PILRA: variants seen among roughly 807,000 people sequenced by gnomAD.
PILRA encodes the protein paired immunoglobin like type 2 receptor alpha, also known as paired immunoglobulin-like type 2 receptor alpha.
A neutral mutation model predicts 33.1 loss-of-function variants in PILRA; 37 were observed. The observed-to-expected ratio is 1.12, with a 90% CI of 0.86 to 1.47. The LOEUF (loss-of-function observed/expected upper bound fraction) is 1.47. Among genes scored for constraint, PILRA ranks in the 40% most tolerant of loss-of-function variants. PILRA has a pLI of 0.00. For missense variants in PILRA, 312 were observed against 376.2 expected (o/e 0.83, Z 1.41); for synonymous variants, 146 against 149.9 (o/e 0.97, Z 0.19).
chr7:100,386,915 C>T (rs180784676), intron 2 of PILRA, among the ~76,000 whole-genome samples: 47 of 151,844 alleles, frequency 3.1e-4, no homozygotes, highest in Admixed American at 1.2e-3. Context: ...ATTCAAATTG[C>T]ATAGTTTTCC....
intron 2 of PILRA, among the ~76,000 whole-genome samples, chr7:100,382,079 C>T (rs1394680572): frequency 5.3e-5 from 8 of 151,382 alleles, no homozygotes; most frequent in Non-Finnish European, 2.9e-5. Flanking sequence ...TGCTCCACGG[C>T]GCCCGGTCCC....
At chr7:100,388,938 A>G (rs972016067) in intron 2 of PILRA, among the ~76,000 whole-genome samples, 2 of 152,096 alleles carry the variant, frequency 1.3e-5, no homozygotes, top group Non-Finnish European at 2.9e-5. Flanking sequence ...TAAGCCAATG[A>G]CAGAATTTAA....
At chr7:100,373,838 C>T (rs1174600786) in intron 1 of PILRA, 118 bp downstream of exon 1, 25 of 1,412,500 alleles carry the variant, frequency 1.8e-5, no homozygotes, top group African/African-American at 8.5e-5. Context: ...GAAACAAGGG[C>T]GGGTCCCACA....
In PILRA at chr7:100,397,926, C is replaced by T. The variant is rs180768093; in HGVS notation, c.707+14C>T. The T allele has an allele frequency of 1.4e-5, 22 of 1,613,418 alleles. No homozygotes were observed. The highest frequency in any genetic ancestry group is 1.7e-5 in the Non-Finnish European group (20 of 1,179,424). On this transcript the variant is annotated intron_variant, in intron 4 of 6. Coordinates refer to ENST00000198536, the MANE Select transcript of PILRA (RefSeq NM_013439.3). ...AACCCCAGCCAGGTGAGTGCTGGGCCTCCCCAGGGTGGGTTGGGGGGTGCA... is the reference window on the plus strand; with the variant it reads ...AACCCCAGCCAGGTGAGTGCTGGGCTTCCCCAGGGTGGGTTGGGGGGTGCA...
chr7:100,383,800 C>G (rs894220303), intron 2 of PILRA, among the ~76,000 whole-genome samples: 2 of 152,014 alleles, frequency 1.3e-5, no homozygotes, highest in Non-Finnish European at 2.9e-5. Context: ...CCACACCCGG[C>G]TAATTTTTAT....
chr7:100,381,838 C>T (rs1180257010), intron 2 of PILRA, among the ~76,000 whole-genome samples: 1 of 152,196 alleles, frequency 6.6e-6, no homozygotes, highest in Admixed American at 6.5e-5. Flanking sequence ...CGGCCGGCCC[C>T]GGGCAGTGAG....
At position 100,390,029 on chromosome 7, in the gene PILRA, G is replaced by C. The variant is rs779458269; in HGVS notation, c.596G>C (p.Gly199Ala). The change falls in exon 3 of 7, where the codon GGG (glycine) becomes GCG (alanine). Residue 199 changes from glycine to alanine, a missense_variant. Transcript: ENST00000198536. Reference protein sequence around the residue: ...SWHISLETAVGVAVAVTVLGI... With the variant: ...SWHISLETAVAVAVAVTVLGI... ...CACATAAGTCTGGAGACTGCTGTGGGGGTGGCAGTGGCTGTCACTGTGCTC... is the reference window on the plus strand; with the variant it reads ...CACATAAGTCTGGAGACTGCTGTGGCGGTGGCAGTGGCTGTCACTGTGCTC... 3 of 1,614,124 alleles carry C rather than the reference G, an allele frequency of 1.9e-6. 1 individual carries two copies. Among genetic ancestry groups the C allele is most frequent in the South Asian group, 2.2e-5 (2 of 91,078 alleles).
chr7:100,384,753 G>A (rs941801099), intron 2 of PILRA, among the ~76,000 whole-genome samples: 3 of 152,114 alleles, frequency 2.0e-5, no homozygotes, highest in Non-Finnish European at 4.4e-5. Context: ...GCACTATTGC[G>A]TTCCAGCTTG....
Position 100,399,418 on chromosome 7 carries a change from C to T in PILRA, c.757+78C>T, listed in dbSNP as rs548851057. ...TCCCCAAATACCCCCTACCTGGGTC[C>T]GTGCCCCTGTCAGTATTTTCTTCTT... On this transcript the variant is annotated intron_variant, in intron 5 of 6. Transcript: ENST00000198536. 2.5e-5 allele frequency: 35 copies of T among 1,403,202 alleles called. No individual in the cohort carries two copies. In the East Asian group the frequency reaches 7.1e-4, roughly 28 times the overall value. The allele number at this position is 1,403,202 out of a possible 1,614,324, so 86.9% of individuals were successfully genotyped here.
intron 2 of PILRA, among the ~76,000 whole-genome samples, chr7:100,377,957 T>C (rs548016849): frequency 1.3e-5 from 2 of 152,352 alleles, no homozygotes; most frequent in South Asian, 4.1e-4. Context: ...CACTGATCTG[T>C]CTTTTCTTAC....
At chr7:100,397,342 G>A (rs1402213291) in intron 3 of PILRA, among the ~76,000 whole-genome samples, 1 of 152,006 alleles carries the variant, frequency 6.6e-6, no homozygotes, top group Non-Finnish European at 1.5e-5. Flanking sequence ...CAATGGGAGA[G>A]GCAGCAGAGG....
At chr7:100,382,723 T>C (rs1396128345) in intron 2 of PILRA, among the ~76,000 whole-genome samples, 1 of 152,216 alleles carries the variant, frequency 6.6e-6, no homozygotes, top group Non-Finnish European at 1.5e-5. Context: ...TTTTTGCTTT[T>C]GCTTTTTGCA....
At position 100,399,836 on chromosome 7, in the gene PILRA, A is replaced by T; in HGVS notation, c.841A>T (p.Arg281Ter). ...SLALSSSTSP[R>*]APPSHRPLKS... Reference sequence around the variant, plus strand: ...TGCCCTCTCCAGCTCCACCTCACCCAGAGCACCTCCCAGCCACCGTCCCCT... The same window carrying T: ...TGCCCTCTCCAGCTCCACCTCACCCTGAGCACCTCCCAGCCACCGTCCCCT... The change falls in exon 7 of 7, where the codon AGA (arginine) becomes TGA (stop). Residue 281 changes from arginine (R) to a stop codon, truncating the protein, a stop_gained. Transcript: ENST00000198536. LOFTEE classifies it low-confidence loss of function (END_TRUNC). 6.2e-7 allele frequency: 1 copy of T among 1,613,684 alleles called. No homozygotes were observed. Among genetic ancestry groups the T allele is most frequent in the Non-Finnish European group, 8.5e-7 (1 of 1,179,812 alleles).
intron 6 of PILRA, 41 bp downstream of exon 6, chr7:100,399,653 C>T: frequency 6.2e-7 from 1 of 1,613,194 alleles, no homozygotes; most frequent in South Asian, 1.1e-5. Flanking sequence ...TAAAGAGAAG[C>T]CTGGAGAAGG....
In PILRA at chr7:100,399,977, A is replaced by G; in HGVS notation, c.*70A>G. ...GTGGCGCACACCTGTAATCCCAGCT[A>G]CTCTGAAGCCTGAGGCAGAATCAAG... On this transcript the variant is annotated 3_prime_UTR_variant, in exon 7 of 7. Transcript: ENST00000198536. 2.8e-6 allele frequency: 4 copies of G among 1,439,090 alleles called. No individual in the cohort carries two copies. Among genetic ancestry groups the G allele is most frequent in the Non-Finnish European group, 3.7e-6 (4 of 1,085,930 alleles). 89.1% of individuals were successfully genotyped at this position (1,439,090 alleles called of 1,614,324 possible). A position where few individuals can be genotyped will look rare whatever the true frequency, so the allele number is the denominator to read the frequency against.
At chr7:100,371,628 A>G (rs1790815378), upstream of PILRA, among the ~76,000 whole-genome samples, 1 of 152,048 alleles carries the variant, frequency 6.6e-6, no homozygotes, top group Admixed American at 6.5e-5. Flanking sequence ...ACGACTTCCC[A>G]CGCCTCTCCC....
rs1439691297 is a variant in PILRA, at chr7:100,399,964, T to C, written c.*57T>C. 4.7e-6 allele frequency: 7 copies of C among 1,493,934 alleles called. No individual in the cohort carries two copies. The highest frequency in any genetic ancestry group is 1.8e-4 in the Middle Eastern group (1 of 5,528). 92.5% of individuals were successfully genotyped at this position (1,493,934 alleles called of 1,614,324 possible). A position where few individuals can be genotyped will look rare whatever the true frequency, so the allele number is the denominator to read the frequency against. ...GAGGCCAGGTACAGTGGCGCACACC[T>C]GTAATCCCAGCTACTCTGAAGCCTG... On this transcript the variant is annotated 3_prime_UTR_variant, in exon 7 of 7. Coordinates refer to ENST00000198536, the MANE Select transcript of PILRA (RefSeq NM_013439.3).
upstream of PILRA, among the ~76,000 whole-genome samples, chr7:100,373,025 AG>A (rs1201224612): frequency 1.3e-5 from 2 of 151,780 alleles, no homozygotes; most frequent in Non-Finnish European, 2.9e-5. Flanking sequence ...GGCCTGGGGC[AG>A]GAAGAGGCCA....
At chr7:100,383,608 G>A (rs1051337684) in intron 2 of PILRA, among the ~76,000 whole-genome samples, 6 of 152,038 alleles carry the variant, frequency 3.9e-5, no homozygotes, top group African/African-American at 9.7e-5. Flanking sequence ...TTTCCTGCAG[G>A]AGTGCTGAGA....
Sources: allele counts gnomAD v4.1 joint callset (sites outside exome capture counted in the v4.1 genomes callset), GRCh38; gene constraint gnomAD v4.1.1; transcripts MANE v1.5; gene names NCBI Gene and HGNC (gene_info 2026-07-23, HGNC 2026-07-21).